Variants in USP34 observed in about 807,000 individuals in gnomAD.
USP34 encodes the protein ubiquitin specific peptidase 34.
USP34 carries 70 observed loss-of-function variants against 460.3 expected under a neutral mutation model. That is an observed-to-expected ratio of 0.15 (90% CI 0.13 to 0.19). The LOEUF (loss-of-function observed/expected upper bound fraction) is 0.19. Ranked by LOEUF, USP34 falls within the 10% of genes least tolerant of loss-of-function variation. USP34 has a pLI of 1.00. For missense variants in USP34, 3,985 were observed against 4,236.2 expected, an observed-to-expected ratio of 0.94 and a Z score of 1.65; for synonymous variants, 1,647 against 1,405.3, an observed-to-expected ratio of 1.17 and a Z score of -3.85.
At chr2:61,423,119 A>G (rs1400779212) in intron 1 of USP34, among the ~76,000 whole-genome samples, 1 of 152,180 alleles carries the variant, frequency 6.6e-6, no homozygotes, top group Non-Finnish European at 1.5e-5. Context: ...TGTCTTTTTA[A>G]ATTTTTGGTT....
intron 22 of USP34, among the ~76,000 whole-genome samples, chr2:61,318,325 C>G (rs1245655339): frequency 6.6e-6 from 1 of 151,910 alleles, no homozygotes; most frequent in Non-Finnish European, 1.5e-5. Flanking sequence ...TAAATAAAGA[C>G]AACTATCATG....
At chr2:61,437,156 T>C (rs1694836290) in intron 1 of USP34, among the ~76,000 whole-genome samples, 1 of 151,806 alleles carries the variant, frequency 6.6e-6, no homozygotes, top group Non-Finnish European at 1.5e-5. Flanking sequence ...AAACCAAAAT[T>C]AGACAACGAA....
At position 61,408,258 on chromosome 2, in the gene USP34, T is replaced by C. The variant is rs183300672; in HGVS notation, c.132-2130A>G. ...GGCCAACACCTTGACTAAAACATTA[T>C]AGGAAACCCGACCCAGAACCAAACA... On this transcript the variant is annotated intron_variant, in intron 2 of 79. Coordinates refer to ENST00000398571, the MANE Select transcript of USP34 (RefSeq NM_014709.4). Among the ~76,000 whole-genome samples the C allele has an allele frequency of 2.8e-3, 429 of 152,294 alleles. 1 individual carries two copies. Among genetic ancestry groups the C allele is most frequent in the African/African-American group, 9.4e-3 (392 of 41,558 alleles).
rs888963301 is a variant in USP34 at position 61,204,590 on chromosome 2, C to T, written c.9166G>A (p.Glu3056Lys). The T allele has an allele frequency of 2.5e-6, 4 of 1,613,116 alleles. No homozygotes were observed. In the African/African-American group the frequency reaches 5.3e-5, roughly 22 times the overall value. ...TCATGGGGACTCAAAAGTACAAGTT[C>T]CTTGAGGACATCTGAAAATAAAAAC... Reference protein sequence around the residue: ...LRNACIDVLKELVLLSPHDFL... With the variant: ...LRNACIDVLKKLVLLSPHDFL... Residue 3056 changes from glutamate to lysine, a missense_variant, in exon 73 of 80, where the codon GAA (glutamate) becomes AAA (lysine). Physicochemically the swap from Glu to Lys is moderately conservative, Grantham distance 56. Transcript: ENST00000398571.
chr2:61,421,852 AC>A (rs1240449931), intron 1 of USP34, among the ~76,000 whole-genome samples: 1 of 152,224 alleles, frequency 6.6e-6, no homozygotes, highest in Non-Finnish European at 1.5e-5. Context: ...GTTGAGACTT[AC>A]AGCACACTTC....
chr2:61,355,133 C>G (rs979466814), intron 10 of USP34, among the ~76,000 whole-genome samples: 1 of 152,112 alleles, frequency 6.6e-6, no homozygotes, highest in Non-Finnish European at 1.5e-5. Context: ...TGGAATGAAC[C>G]CTTTTCATGT....
chr2:61,366,866 G>T (rs771900774), intron 10 of USP34, among the ~76,000 whole-genome samples: 5 of 152,100 alleles, frequency 3.3e-5, no homozygotes, highest in Non-Finnish European at 7.4e-5. Context: ...TGGGCAACAA[G>T]GCAAAGCCTC....
rs1484753853 is a variant in USP34 at position 61,471,044 on chromosome 2, C to T, written c.-352G>A. The T allele has an allele frequency of 3.9e-6, 1 of 256,612 alleles. No individual in the cohort carries two copies. The highest frequency in any genetic ancestry group is 7.5e-6 in the Non-Finnish European group (1 of 134,108). The allele number at this position is 256,612 out of a possible 1,614,324, so 15.9% of individuals were successfully genotyped here. On this transcript the variant is annotated 5_prime_UTR_variant, in exon 1 of 80. Coordinates refer to ENST00000398571, the MANE Select transcript of USP34 (RefSeq NM_014709.4). ...TCACTTCACCGACCAGACGCCGCGG[C>T]CACCGCCGACGCCGCCGCCATTTTA...
rs1177360617 is a variant in USP34 at position 61,343,876 on chromosome 2, T to A, written c.2439A>T (p.Thr813=). 1.2e-6 allele frequency: 2 copies of A among 1,613,910 alleles called. No individual in the cohort carries two copies. The highest frequency in any genetic ancestry group is 8.5e-7 in the Non-Finnish European group (1 of 1,179,958). Reference sequence around the variant, plus strand: ...TGGGAAGATGTTGTTGGAGGTGAGATGTCAGTTCCGCATGTGAATTAATCT... The same window carrying A: ...TGGGAAGATGTTGTTGGAGGTGAGAAGTCAGTTCCGCATGTGAATTAATCT... ...LVQINSHAEL[T]SHLQQHLPNL... Residue 813 remains threonine, a synonymous_variant, in exon 16 of 80, where the codon ACA becomes ACT. Coordinates refer to ENST00000398571, the MANE Select transcript of USP34 (RefSeq NM_014709.4).
intron 48 of USP34, among the ~76,000 whole-genome samples, chr2:61,249,367 C>T (rs528265264): frequency 6.6e-6 from 1 of 152,344 alleles, no homozygotes; most frequent in South Asian, 2.1e-4. Flanking sequence ...CATGGACATG[C>T]TGGACAAAGG....
In USP34 at chr2:61,404,082, T is replaced by C. The variant is rs1022707307; in HGVS notation, c.552+1626A>G. Among the ~76,000 whole-genome samples the C allele has an allele frequency of 1.7e-4, 25 of 150,804 alleles. 1 individual carries two copies. The highest frequency in any genetic ancestry group is 3.5e-4 in the Non-Finnish European group (24 of 67,792). ...CTTGGAAGAGGGCCAAGTAGGTGAC[T>C]TGTGTGCCTGATTTAAAATATTCTT... On this transcript the variant is annotated intron_variant, in intron 3 of 79. Transcript: ENST00000398571.
chr2:61,372,238 A>C (rs556499644), intron 8 of USP34, among the ~76,000 whole-genome samples: 6 of 152,242 alleles, frequency 3.9e-5, no homozygotes, highest in East Asian at 3.9e-4. Flanking sequence ...TTAAAAAAAA[A>C]CCACTAGGAC....
chr2:61,262,673 A>T (rs1446139747), intron 43 of USP34, among the ~76,000 whole-genome samples: 4 of 152,038 alleles, frequency 2.6e-5, no homozygotes, highest in Admixed American at 2.6e-4. Flanking sequence ...TCATGGTAGG[A>T]TGATTTATAT....
intron 43 of USP34, among the ~76,000 whole-genome samples, chr2:61,262,746 C>A (rs528593684): frequency 6.6e-6 from 1 of 152,148 alleles, no homozygotes; most frequent in Non-Finnish European, 1.5e-5. Flanking sequence ...AAAGTTCTTT[C>A]AGAAATTGCC....
intron 1 of USP34, among the ~76,000 whole-genome samples, chr2:61,427,614 T>C (rs1694549258): frequency 6.6e-6 from 1 of 152,234 alleles, no homozygotes; most frequent in South Asian, 2.1e-4. Context: ...TACAGAATTC[T>C]ATCAGATAAC....
At chr2:61,373,629 G>T (rs1214493315) in intron 8 of USP34, among the ~76,000 whole-genome samples, 4 of 152,116 alleles carry the variant, frequency 2.6e-5, no homozygotes, top group Non-Finnish European at 5.9e-5. Flanking sequence ...TGAAATACAT[G>T]AAGCAAAAAC....
At chr2:61,223,663 T>G in intron 62 of USP34, 1 of 193,168 alleles carries the variant, frequency 5.2e-6, no homozygotes, top group Non-Finnish European at 1.1e-5. Flanking sequence ...TACTGTATAT[T>G]TCTTCCTTTT....
chr2:61,368,040 G>T (rs909317909), intron 10 of USP34, among the ~76,000 whole-genome samples: 2 of 152,122 alleles, frequency 1.3e-5, no homozygotes, highest in African/African-American at 4.8e-5. Flanking sequence ...TAAACAACCG[G>T]AAAGTAAATA....
At chr2:61,442,345 A>C (rs906207839) in intron 1 of USP34, among the ~76,000 whole-genome samples, 1 of 152,052 alleles carries the variant, frequency 6.6e-6, no homozygotes, top group Non-Finnish European at 1.5e-5. Context: ...AACTATACGC[A>C]AATTACTCAT....
Sources: allele counts gnomAD v4.1 joint callset (sites outside exome capture counted in the v4.1 genomes callset), GRCh38; gene constraint gnomAD v4.1.1; transcripts MANE v1.5; gene names NCBI Gene and HGNC (gene_info 2026-07-23, HGNC 2026-07-21).